Variants in NUP210L observed in about 807,000 individuals in gnomAD.
The protein encoded by NUP210L is nuclear pore membrane glycoprotein 210-like.
In NUP210L, 74 loss-of-function variants were observed where a neutral mutation model predicts 208.5. The observed-to-expected ratio is 0.35, with a 90% CI of 0.29 to 0.43. NUP210L has a LOEUF of 0.43. NUP210L is among the 20% of genes least tolerant of loss of function. The pLI, the probability that NUP210L is intolerant of heterozygous loss-of-function variation, is 1.00. For missense variants in NUP210L, 1,843 were observed against 2,289.4 expected (o/e 0.81, Z 3.98); for synonymous variants, 780 against 816.9 (o/e 0.95, Z 0.77).
chr1:154,034,679 T>G (rs1014919853), intron 27 of NUP210L, among the ~76,000 whole-genome samples: 3 of 151,084 alleles, frequency 2.0e-5, no homozygotes, highest in Non-Finnish European at 3.0e-5. Context: ...TACTTGTTAT[T>G]GGTCTGTTCA....
chr1:154,054,923 CAG>C (rs1477921226), intron 23 of NUP210L, 91 bp from the exon 24 acceptor site: 2 of 813,782 alleles, frequency 2.5e-6, no homozygotes, highest in Non-Finnish European at 4.1e-6. Context: ...TTTTTTTAGA[CAG>C]AGTCTTGCTC....
intron 12 of NUP210L, among the ~76,000 whole-genome samples, chr1:154,104,988 G>A (rs527246889): frequency 6.6e-6 from 1 of 152,290 alleles, no homozygotes; most frequent in East Asian, 1.9e-4. Flanking sequence ...GAGGAGAGGA[G>A]AGGAGAGGGG....
chr1:153,996,737 A>T (rs2147879272), intron 37 of NUP210L, among the ~76,000 whole-genome samples: 1 of 151,868 alleles, frequency 6.6e-6, no homozygotes, highest in South Asian at 2.1e-4. Flanking sequence ...TTTTTTTAAG[A>T]TCATCAGTGA....
intron 16 of NUP210L, among the ~76,000 whole-genome samples, chr1:154,074,945 C>A (rs1316187652): frequency 6.6e-6 from 1 of 152,058 alleles, no homozygotes; most frequent in Non-Finnish European, 1.5e-5. Context: ...ATTTTTCAAC[C>A]CTCTGCCATT....
Position 154,061,675 on chromosome 1 carries a change from C to T in NUP210L, c.2555-1G>A. The T allele has an allele frequency of 6.3e-7, 1 of 1,578,582 alleles. No individual in the cohort carries two copies. The highest frequency in any genetic ancestry group is 8.7e-7 in the Non-Finnish European group (1 of 1,153,048). ...TGATGTACTTTAAGGATCTGATGACCTGGAAACATGCAGAAAAATACCCTG... is the reference window on the plus strand; with the variant it reads ...TGATGTACTTTAAGGATCTGATGACTTGGAAACATGCAGAAAAATACCCTG... On this transcript the variant is annotated splice_acceptor_variant, in intron 17 of 39. Transcript: ENST00000368559. LOFTEE classifies it high-confidence loss of function.
chr1:154,047,133 AT>A (rs2147973072), intron 25 of NUP210L, among the ~76,000 whole-genome samples: 1 of 152,290 alleles, frequency 6.6e-6, no homozygotes, highest in Non-Finnish European at 1.5e-5. Context: ...GGCTATGGGG[AT>A]GATTAATGGG....
intron 11 of NUP210L, 69 bp downstream of exon 11, chr1:154,118,602 A>G: frequency 8.9e-7 from 1 of 1,123,228 alleles, no homozygotes; most frequent in African/African-American, 1.6e-5. Context: ...AACATTAATC[A>G]AATTTCAATA....
At chr1:154,089,463 A>C (rs772609160) in exon 16 of NUP210L, 1 of 1,614,208 alleles carries the variant, frequency 6.2e-7, no homozygotes, top group Non-Finnish European at 8.5e-7. Flanking sequence ...GCTGGGCACC[A>C]GCTGGCACCT....
intron 12 of NUP210L, among the ~76,000 whole-genome samples, chr1:154,109,712 C>T (rs1201895610): frequency 6.6e-6 from 1 of 151,468 alleles, no homozygotes; most frequent in Admixed American, 6.6e-5. Flanking sequence ...TCTCTGACTA[C>T]AGTGTACTAA....
chr1:154,014,971 T>G (rs961446972), intron 33 of NUP210L, among the ~76,000 whole-genome samples: 2 of 152,188 alleles, frequency 1.3e-5, no homozygotes, highest in African/African-American at 2.4e-5. Flanking sequence ...GCCACTGCAC[T>G]CCAGCCTGGG....
chr1:154,135,022 G>A (rs1658465660), intron 7 of NUP210L, among the ~76,000 whole-genome samples: 2 of 151,538 alleles, frequency 1.3e-5, no homozygotes, highest in South Asian at 4.2e-4. Flanking sequence ...ACATGCGTGA[G>A]CCACCACGCC....
intron 1 of NUP210L, 35 bp downstream of exon 1, chr1:154,154,807 G>A: frequency 6.6e-7 from 1 of 1,517,220 alleles, no homozygotes; most frequent in Non-Finnish European, 9.2e-7. Flanking sequence ...GGATGGTAGT[G>A]AGGGTGCATA....
chr1:153,998,545 T>A (rs1385439819), intron 37 of NUP210L, among the ~76,000 whole-genome samples: 2 of 146,096 alleles, frequency 1.4e-5, no homozygotes, highest in Non-Finnish European at 3.0e-5. Flanking sequence ...CAGAGCGAGG[T>A]TCTGTCTCAA....
At chr1:154,053,879 G>A (rs965372321) in intron 25 of NUP210L, among the ~76,000 whole-genome samples, 9 of 152,090 alleles carry the variant, frequency 5.9e-5, no homozygotes, top group Admixed American at 3.3e-4. Context: ...GTGCTGCTGG[G>A]TTAGGGTCTC....
At chr1:153,998,730 T>TTA (rs1553218105) in intron 37 of NUP210L, among the ~76,000 whole-genome samples, 1 of 138,022 alleles carries the variant, frequency 7.2e-6, no homozygotes, top group African/African-American at 2.7e-5. Flanking sequence ...TTTTTTTTTT[T>TTA]AATTCCTGAG....
Position 154,095,286 on chromosome 1 carries a change from G to T in NUP210L, c.1966-130C>A, listed in dbSNP as rs1656125972. 7.3e-6 allele frequency: 5 copies of T among 681,168 alleles called. No homozygotes were observed. The South Asian group carries it at 7.6e-5, about 10-fold the overall frequency. The allele number at this position is 681,168 out of a possible 1,614,324, so 42.2% of individuals were successfully genotyped here. ...AATTCCCAAATTAAGAGATATGTAT[G>T]CCATGCCTCTCACTTGGAATGCTTC... is the stretch of plus-strand genomic sequence containing the variant. On this transcript the variant is annotated intron_variant, in intron 14 of 39. Coordinates refer to ENST00000368559, the Ensembl canonical transcript of NUP210L.
In NUP210L at chr1:154,118,665, C is replaced by G. The variant is rs77653541; in HGVS notation, c.1464+6G>C. On this transcript the variant is annotated splice_donor_region_variant and intron_variant, in intron 11 of 39. Coordinates refer to ENST00000368559, the Ensembl canonical transcript of NUP210L. ...TCTCCTTGTGAAGCCTTATAGGACA[C>G]CATACCTGTACTTTATAACGATATA... 1,026 of 1,553,102 alleles carry G rather than the reference C, an allele frequency of 6.6e-4. 33 individuals are homozygous for G. The East Asian group carries it at 0.023, about 35-fold the overall frequency.
intron 8 of NUP210L, 32 bp downstream of exon 8, chr1:154,129,245 T>C: frequency 7.5e-7 from 1 of 1,336,328 alleles, no homozygotes; most frequent in Non-Finnish European, 1.1e-6. Context: ...ATTTAAGCTA[T>C]CCACCTTTCT....
At chr1:154,131,005 G>A (rs575794643) in intron 7 of NUP210L, among the ~76,000 whole-genome samples, 1 of 152,056 alleles carries the variant, frequency 6.6e-6, no homozygotes, top group East Asian at 1.9e-4. Flanking sequence ...CGTGAATCAC[G>A]CCTGTAATCT....
Sources: allele counts gnomAD v4.1 joint callset (sites outside exome capture counted in the v4.1 genomes callset), GRCh38; gene constraint gnomAD v4.1.1; transcripts MANE v1.5; gene names NCBI Gene and HGNC (gene_info 2026-07-23, HGNC 2026-07-21).